Variants in DCTN6 observed in about 807,000 individuals in gnomAD.
DCTN6 encodes the protein dynactin subunit 6.
Under a neutral mutation model 25.8 loss-of-function variants are expected in DCTN6, and 15 were observed. That is an observed-to-expected ratio of 0.58 (90% CI 0.39 to 0.89). The LOEUF is 0.89. DCTN6 is among the 40% of genes least tolerant of loss of function. The probability of loss-of-function intolerance (pLI) is 0.00; values close to 1 mark genes in which losing one functional copy is unlikely to be tolerated. For synonymous variants in DCTN6, 64 were observed against 78.3 expected (o/e 0.82, Z 0.96); for missense variants, 198 against 237.6 (o/e 0.83, Z 1.09).
chr8:30,178,395 G>A (rs539973213), intron 4 of DCTN6, among the ~76,000 whole-genome samples: 5 of 151,430 alleles, frequency 3.3e-5, no homozygotes, highest in South Asian at 2.1e-4. Context: ...CCCAGGAGGC[G>A]GAGATTGCGG....
chr8:30,159,873 C>T lies in DCTN6; in HGVS notation c.23+3467C>T, dbSNP rs532134694. Among the ~76,000 whole-genome samples the T allele has an allele frequency of 5.5e-4, 83 of 152,034 alleles. 2 individuals carry two copies. In the South Asian group the frequency reaches 0.016, roughly 29 times the overall value. On this transcript the variant is annotated intron_variant, in intron 1 of 6. Transcript: ENST00000221114. ...ACCTCCTGGGCTCAAGCGATCCTCC[C>T]GCCTCAGCCCCCCAAGTAGCTGGGA...
intron 6 of DCTN6, 47 bp downstream of exon 6, chr8:30,180,677 A>G (rs1803900974): frequency 6.9e-6 from 11 of 1,601,628 alleles, no homozygotes; most frequent in Admixed American, 1.7e-5. Context: ...TGATTTTCCC[A>G]AAATACAATG....
chr8:30,166,663 A>G (rs567357566), intron 2 of DCTN6, among the ~76,000 whole-genome samples: 1 of 152,270 alleles, frequency 6.6e-6, no homozygotes, highest in South Asian at 2.1e-4. Flanking sequence ...TTGGTGGACC[A>G]CTGCCTAGGA....
chr8:30,156,399 C>G lies in DCTN6; in HGVS notation c.16C>G (p.Gln6Glu), dbSNP rs1044361405. MAEKT[Q>E]KSVKIAPGAV... ...GGGCCGTACCATGGCGGAGAAGACT[C>G]AAAAGAGGTGGGTTTGCTGCTTGAG... Residue 6 changes from glutamine to glutamate, a missense_variant, in exon 1 of 7, where the codon CAA becomes GAA. Coordinates refer to ENST00000221114, the MANE Select transcript of DCTN6 (RefSeq NM_006571.4). 6.2e-7 allele frequency: 1 copy of G among 1,605,734 alleles called. No homozygotes were observed. The highest frequency in any genetic ancestry group is 8.5e-7 in the Non-Finnish European group (1 of 1,176,134).
intron 4 of DCTN6, among the ~76,000 whole-genome samples, chr8:30,178,448 C>G (rs535449250): frequency 7.7e-6 from 1 of 129,434 alleles, no homozygotes; most frequent in African/African-American, 3.0e-5. Flanking sequence ...GGGCAATGAG[C>G]GAAACTCCGT....
chr8:30,157,254 C>T (rs1358102468), intron 1 of DCTN6, among the ~76,000 whole-genome samples: 1 of 152,198 alleles, frequency 6.6e-6, no homozygotes, highest in Non-Finnish European at 1.5e-5. Flanking sequence ...CATGTTGTTG[C>T]AAAAGACATG....
At position 30,164,774 on chromosome 8, in the gene DCTN6, C is replaced by T. The variant is rs905962667; in HGVS notation, c.88+599C>T. On this transcript the variant is annotated intron_variant, in intron 2 of 6. Transcript: ENST00000221114. ...TGATTGTCCAGCATGGAGCTCCGGCCCTGCAGGCCAGGAAGTGATGGCTAG... is the reference window on the plus strand; with the variant it reads ...TGATTGTCCAGCATGGAGCTCCGGCTCTGCAGGCCAGGAAGTGATGGCTAG... Among the ~76,000 whole-genome samples, 5 of 152,270 alleles carry T rather than the reference C, an allele frequency of 3.3e-5. No individual in the cohort carries two copies. The East Asian group carries it at 9.7e-4, about 29-fold the overall frequency.
intron 1 of DCTN6, among the ~76,000 whole-genome samples, chr8:30,161,510 C>T (rs1452777329): frequency 2.0e-5 from 3 of 152,088 alleles, no homozygotes; most frequent in Admixed American, 6.6e-5. Flanking sequence ...GACTTCTTGC[C>T]TACAGGTGCA....
intron 2 of DCTN6, among the ~76,000 whole-genome samples, chr8:30,166,417 G>T (rs1217560794): frequency 6.6e-6 from 1 of 150,566 alleles, no homozygotes; most frequent in Non-Finnish European, 1.5e-5. Flanking sequence ...CAAAGTGTTG[G>T]GATTACAGGA....
intron 2 of DCTN6, among the ~76,000 whole-genome samples, chr8:30,169,851 C>G (rs900958799): frequency 3.9e-5 from 6 of 152,188 alleles, no homozygotes; most frequent in Non-Finnish European, 7.3e-5. Flanking sequence ...TTATCCGCAT[C>G]ATTCACGGAA....
intron 2 of DCTN6, 86 bp downstream of exon 2, chr8:30,164,261 G>A: frequency 9.6e-7 from 1 of 1,039,594 alleles, no homozygotes; most frequent in Non-Finnish European, 1.5e-6. Flanking sequence ...CGTCTTCCAT[G>A]TTTATTTCAC....
intron 1 of DCTN6, among the ~76,000 whole-genome samples, chr8:30,158,131 C>T (rs1803550536): frequency 6.6e-6 from 1 of 152,128 alleles, no homozygotes; most frequent in African/African-American, 2.4e-5. Flanking sequence ...CTGATTGTGA[C>T]GCAAGCATTA....
At chr8:30,176,657 AG>A (rs1221040431) in intron 3 of DCTN6, 2 of 155,036 alleles carry the variant, frequency 1.3e-5, no homozygotes, top group African/African-American at 4.8e-5. Flanking sequence ...TCTAGCACAC[AG>A]GATGAATGAA....
intron 5 of DCTN6, among the ~76,000 whole-genome samples, chr8:30,179,925 A>T (rs1373280636): frequency 1.3e-5 from 2 of 152,214 alleles, no homozygotes; most frequent in East Asian, 1.9e-4. Context: ...AAGCAACTTC[A>T]AGAGCTTGTC....
chr8:30,173,741 A>AAAAAC (rs531796920), intron 2 of DCTN6, among the ~76,000 whole-genome samples: 19,950 of 146,060 alleles, frequency 0.14, 1,651 homozygotes, highest in East Asian at 0.25. Context: ...TAAAAAAAAA[A>AAAAAC]AAAAAAAAAA....
rs75587491 is a variant in DCTN6 at position 30,168,548 on chromosome 8, G to T, written c.88+4373G>T. 5.8e-4 allele frequency among the ~76,000 whole-genome samples: 88 copies of T among 152,172 alleles called. No homozygotes were observed. In the East Asian group the frequency reaches 0.017, roughly 29 times the overall value. ...GCAATAAACTGTTGTTTAATTCATA[G>T]ATTTTTTTCAGGATGTTTTGTGTAA... On this transcript the variant is annotated intron_variant, in intron 2 of 6. Coordinates refer to ENST00000221114, the MANE Select transcript of DCTN6 (RefSeq NM_006571.4).
intron 2 of DCTN6, among the ~76,000 whole-genome samples, chr8:30,174,835 C>T (rs560369233): frequency 2.0e-5 from 3 of 152,302 alleles, no homozygotes; most frequent in South Asian, 2.1e-4. Flanking sequence ...AGGAAGCTTC[C>T]GAGTGGAGGC....
chr8:30,172,657 T>C (rs185483695), intron 2 of DCTN6, among the ~76,000 whole-genome samples: 5 of 152,232 alleles, frequency 3.3e-5, no homozygotes, highest in Admixed American at 6.5e-5. Flanking sequence ...TTCACCATGT[T>C]AGCTAGGCTG....
At chr8:30,176,469 G>C (rs972307681) in intron 3 of DCTN6, 1 of 152,240 alleles carries the variant, frequency 6.6e-6, no homozygotes, top group Non-Finnish European at 1.5e-5. Flanking sequence ...GGGAGGTGGA[G>C]GTTGCAGTGA....
Sources: allele counts gnomAD v4.1 joint callset (sites outside exome capture counted in the v4.1 genomes callset), GRCh38; gene constraint gnomAD v4.1.1; transcripts MANE v1.5; gene names NCBI Gene and HGNC (gene_info 2026-07-23, HGNC 2026-07-21).